The following HLCS variants were observed in gnomAD, a reference collection of about 807,000 sequenced individuals.
The protein encoded by HLCS is biotin--protein ligase.
HLCS carries 53 observed loss-of-function variants against 75.0 expected under a neutral mutation model. The ratio of observed to expected loss-of-function variants is 0.71; its 90% CI spans 0.57 to 0.89. HLCS has a LOEUF of 0.89. HLCS is among the 40% of genes least tolerant of loss of function. The pLI is 0.00. For missense variants in HLCS, 966 were observed against 1,074.0 expected, an observed-to-expected ratio of 0.90 and a Z score of 1.41; for synonymous variants, 431 against 428.6, an observed-to-expected ratio of 1.01 and a Z score of -0.07.
chr21:36,805,575 T>G (rs2061337833), intron 6 of HLCS, among the ~76,000 whole-genome samples: 1 of 152,152 alleles, frequency 6.6e-6, no homozygotes, highest in Admixed American at 6.5e-5. Flanking sequence ...GCTCAGAAAT[T>G]AACTCTTGAT....
intron 6 of HLCS, among the ~76,000 whole-genome samples, chr21:36,883,890 C>T (rs1171085503): frequency 6.6e-6 from 1 of 152,152 alleles, no homozygotes; most frequent in African/African-American, 2.4e-5. Flanking sequence ...AAAGAGCAGG[C>T]TAGGGGACCC....
At chr21:36,783,373 C>T (rs1345044711) in intron 6 of HLCS, among the ~76,000 whole-genome samples, 1 of 152,194 alleles carries the variant, frequency 6.6e-6, no homozygotes, top group African/African-American at 2.4e-5. Context: ...TTTTCAATGA[C>T]TTTTTTAAAA....
At chr21:36,910,397 T>C (rs1294445499) in intron 5 of HLCS, among the ~76,000 whole-genome samples, 1 of 151,924 alleles carries the variant, frequency 6.6e-6, no homozygotes, top group Non-Finnish European at 1.5e-5. Flanking sequence ...AATACAAAAA[T>C]TAGCCAGGCG....
At chr21:36,905,845 A>G (rs2065425977) in intron 5 of HLCS, among the ~76,000 whole-genome samples, 1 of 152,136 alleles carries the variant, frequency 6.6e-6, no homozygotes, top group Admixed American at 6.6e-5. Flanking sequence ...TGAGGTCAGG[A>G]GTTCAAGACC....
chr21:36,808,874 C>T (rs533428856), intron 6 of HLCS, among the ~76,000 whole-genome samples: 113 of 152,176 alleles, frequency 7.4e-4, no homozygotes, highest in African/African-American at 2.6e-3. Flanking sequence ...TCGAAAAATG[C>T]CTTTATTTCC....
At chr21:36,924,985 A>G (rs2066338056) in intron 5 of HLCS, among the ~76,000 whole-genome samples, 1 of 152,194 alleles carries the variant, frequency 6.6e-6, no homozygotes, top group South Asian at 2.1e-4. Context: ...TTTAAAAAAA[A>G]GTAACATAAA....
At chr21:36,920,503 C>T (rs1458872400) in intron 5 of HLCS, among the ~76,000 whole-genome samples, 1 of 151,908 alleles carries the variant, frequency 6.6e-6, no homozygotes, top group Non-Finnish European at 1.5e-5. Context: ...TGTACATGCT[C>T]AAATAACTAA....
intron 6 of HLCS, among the ~76,000 whole-genome samples, chr21:36,830,845 A>G (rs2062182657): frequency 9.0e-6 from 1 of 111,098 alleles, no homozygotes; most frequent in African/African-American, 3.2e-5. Context: ...AAAAAAAAAA[A>G]GGGTAGACAC....
At chr21:36,950,190 AT>A (rs1227285780) in intron 2 of HLCS, among the ~76,000 whole-genome samples, 10 of 148,764 alleles carry the variant, frequency 6.7e-5, no homozygotes, top group African/African-American at 2.0e-4. Context: ...AAAAAAAAAA[AT>A]AGTTTTAGCC....
chr21:36,827,339 C>T (rs1467636075), intron 6 of HLCS, among the ~76,000 whole-genome samples: 2 of 151,876 alleles, frequency 1.3e-5, no homozygotes, highest in South Asian at 2.1e-4. Flanking sequence ...GATGCCAAGG[C>T]GAGCGGATCA....
Position 36,896,702 on chromosome 21 carries a change from C to T in HLCS, c.1892+158G>A, listed in dbSNP as rs59060174. 2.0e-3 allele frequency: 1,537 copies of T among 784,866 alleles called. 16 individuals carry two copies. The African/African-American group carries it at 0.024, about 12-fold the overall frequency. The allele number at this position is 784,866 out of a possible 1,614,324, so 48.6% of individuals were successfully genotyped here. A position where few individuals can be genotyped will look rare whatever the true frequency, so the allele number is the denominator to read the frequency against. Reference sequence around the variant, plus strand: ...CAAAGAACTTCAATTTCCTTTCCCACGATTTAACTCTTCTAGGACAAGAGT... The same window carrying T: ...CAAAGAACTTCAATTTCCTTTCCCATGATTTAACTCTTCTAGGACAAGAGT... On this transcript the variant is annotated intron_variant, in intron 6 of 10. Transcript: ENST00000674895.
Position 36,897,064 on chromosome 21 carries a change from C to A in HLCS, c.1688G>T (p.Gly563Val). ...TGAAACAAATCTAAGAGAGAGCTGGCCGGATTTTATTTCTCCCTCGGAGTC... is the reference window on the plus strand; with the variant it reads ...TGAAACAAATCTAAGAGAGAGCTGGACGGATTTTATTTCTCCCTCGGAGTC... ...HVDSEGEIKS[G>V]QLSLRFVSSY... The change falls in exon 6 of 11, where the codon GGC (glycine) becomes GTC (valine). Residue 563 changes from glycine (G) to valine (V), a missense_variant. Coordinates refer to ENST00000674895, the MANE Select transcript of HLCS (RefSeq NM_001352514.2). 2 of 1,614,104 alleles carry A rather than the reference C, an allele frequency of 1.2e-6. No individual in the cohort carries two copies. Among genetic ancestry groups the A allele is most frequent in the East Asian group, 2.2e-5 (1 of 44,884 alleles).
chr21:36,945,729 G>T (rs186269378), intron 2 of HLCS, among the ~76,000 whole-genome samples: 4 of 152,194 alleles, frequency 2.6e-5, no homozygotes, highest in Admixed American at 6.6e-5. Context: ...TTTAGAATTA[G>T]ATAATGCTAA....
intron 4 of HLCS, among the ~76,000 whole-genome samples, chr21:36,934,389 T>C (rs892921172): frequency 2.0e-5 from 3 of 152,210 alleles, no homozygotes; most frequent in East Asian, 1.9e-4. Flanking sequence ...AATAGTGCCA[T>C]GGTTGAGAAA....
chr21:36,934,383 G>A (rs1421974999), intron 4 of HLCS, among the ~76,000 whole-genome samples: 1 of 152,166 alleles, frequency 6.6e-6, no homozygotes, highest in East Asian at 1.9e-4. Flanking sequence ...AATGTCAATA[G>A]TGCCATGGTT....
At chr21:36,856,396 T>C (rs2063194481) in intron 6 of HLCS, among the ~76,000 whole-genome samples, 1 of 152,192 alleles carries the variant, frequency 6.6e-6, no homozygotes, top group Non-Finnish European at 1.5e-5. Flanking sequence ...ATCAGAACAC[T>C]TCTGCTATTT....
rs558254516 is a variant in HLCS at position 36,801,841 on chromosome 21, C to G, written c.1893-34556G>C. 1.3e-4 allele frequency among the ~76,000 whole-genome samples: 19 copies of G among 151,360 alleles called. No individual in the cohort carries two copies. In the South Asian group the frequency reaches 3.3e-3, roughly 27 times the overall value. ...AGAGACAGTTATCTAACTATGTTGC[C>G]CAAGCTGGTCTCAAACTCCTGGTCT... On this transcript the variant is annotated intron_variant, in intron 6 of 10. Transcript: ENST00000674895.
At chr21:36,977,924 C>G (rs9636909) in intron 1 of HLCS, among the ~76,000 whole-genome samples, 65,801 of 152,050 alleles carry the variant, frequency 0.43, 14,633 homozygotes, top group East Asian at 0.54. Context: ...AGAAGGGCAA[C>G]GCGCTTTCAC....
rs141775967 is a variant in HLCS at position 36,749,681 on chromosome 21, G to C, written c.*4565C>G. 6.6e-6 allele frequency: 1 copy of C among 152,074 alleles called. No individual in the cohort carries two copies. Among genetic ancestry groups the C allele is most frequent in the Non-Finnish European group, 1.5e-5 (1 of 68,010 alleles). The allele number at this position is 152,074 out of a possible 1,614,324, so 9.4% of individuals were successfully genotyped here. A position where few individuals can be genotyped will look rare whatever the true frequency, so the allele number is the denominator to read the frequency against. On this transcript the variant is annotated 3_prime_UTR_variant, in exon 11 of 11. Coordinates refer to ENST00000674895, the MANE Select transcript of HLCS (RefSeq NM_001352514.2). ...GTGTGTGCACAGGAAATAAGCCGAG[G>C]GTATTATTTTTTTATGTTCATGAGT...
Sources: gnomAD v4.1 joint callset for allele counts (sites outside exome capture counted in the v4.1 genomes callset) on GRCh38, gnomAD v4.1.1 for gene constraint, MANE v1.5 for transcripts, NCBI Gene and HGNC (gene_info 2026-07-23, HGNC 2026-07-21) for gene names.